The following FOXN3 variants were observed in gnomAD, a reference collection of about 807,000 sequenced individuals.
The protein encoded by FOXN3 is forkhead box protein N3.
Under a neutral mutation model 38.4 loss-of-function variants are expected in FOXN3, and 7 were observed. That is an observed-to-expected ratio of 0.18 (90% CI 0.10 to 0.34). FOXN3 has a LOEUF of 0.34. Ranked by LOEUF, FOXN3 falls within the 10% of genes least tolerant of loss-of-function variation. The pLI, the probability that FOXN3 is intolerant of heterozygous loss-of-function variation, is 1.00. For missense variants in FOXN3, 456 were observed against 613.4 expected, an observed-to-expected ratio of 0.74 and a Z score of 2.71; for synonymous variants, 230 against 242.2, an observed-to-expected ratio of 0.95 and a Z score of 0.47.
At chr14:89,392,470 T>C (rs1364798749) in intron 2 of FOXN3, among the ~76,000 whole-genome samples, 1 of 152,138 alleles carries the variant, frequency 6.6e-6, no homozygotes, top group African/African-American at 2.4e-5. Flanking sequence ...AAAATCCAGG[T>C]GTCAGCAGGG....
intron 2 of FOXN3, among the ~76,000 whole-genome samples, chr14:89,401,874 A>C (rs1189562645): frequency 6.6e-6 from 1 of 152,210 alleles, no homozygotes. Flanking sequence ...CACCCTGTGA[A>C]GACCAAAGGA....
intron 1 of FOXN3, among the ~76,000 whole-genome samples, chr14:89,461,840 GA>G (rs1298222783): frequency 2.0e-5 from 3 of 152,100 alleles, no homozygotes; most frequent in African/African-American, 7.2e-5. Flanking sequence ...TCCAGAACTT[GA>G]GGGCCAAAAT....
intron 1 of FOXN3, among the ~76,000 whole-genome samples, chr14:89,594,486 T>A (rs1896018533): frequency 1.3e-5 from 2 of 152,248 alleles, no homozygotes. Context: ...ACTTTTCACA[T>A]GTTTATTCAA....
In FOXN3 at chr14:89,522,544, G is replaced by A. The variant is rs115228008; in HGVS notation, c.-15+96484C>T. 3.9e-3 allele frequency among the ~76,000 whole-genome samples: 593 copies of A among 152,166 alleles called. 6 individuals are homozygous for A. Among genetic ancestry groups the A allele is most frequent in the African/African-American group, 0.014 (575 of 41,512 alleles). The stretch of plus-strand genomic sequence containing the variant: ...AAGCAAAAACAATAACATGAATGGT[G>A]GGGCTTATAAGAAGTATAGAAGTAA... On this transcript the variant is annotated intron_variant, in intron 1 of 6. Transcript: ENST00000345097.
At chr14:89,517,686 G>T (rs73331108) in intron 1 of FOXN3, among the ~76,000 whole-genome samples, 4,761 of 152,276 alleles carry the variant, frequency 0.031, 272 homozygotes, top group African/African-American at 0.11. Flanking sequence ...TTGGGACATA[G>T]ATCCAAATCA....
At chr14:89,520,194 G>A (rs1218552955) in intron 1 of FOXN3, among the ~76,000 whole-genome samples, 1 of 151,150 alleles carries the variant, frequency 6.6e-6, no homozygotes, top group Non-Finnish European at 1.5e-5. Flanking sequence ...TTGAACTTTT[G>A]TAGAGACAGG....
At chr14:89,231,850 G>T (rs1884821395) in intron 4 of FOXN3, among the ~76,000 whole-genome samples, 1 of 152,074 alleles carries the variant, frequency 6.6e-6, no homozygotes, top group Non-Finnish European at 1.5e-5. Context: ...GGAACACACG[G>T]GTAATTAATC....
intron 4 of FOXN3, among the ~76,000 whole-genome samples, chr14:89,202,512 G>C (rs1390939052): frequency 6.6e-6 from 1 of 152,188 alleles, no homozygotes; most frequent in Non-Finnish European, 1.5e-5. Context: ...AGTTTAATGT[G>C]CTCGACCTCT....
At chr14:89,607,870 G>A (rs572890427) in intron 1 of FOXN3, among the ~76,000 whole-genome samples, 15 of 151,852 alleles carry the variant, frequency 9.9e-5, no homozygotes, top group Non-Finnish European at 1.5e-5. Flanking sequence ...AGGCTGGAGT[G>A]CAGTGGCGCT....
intron 1 of FOXN3, among the ~76,000 whole-genome samples, chr14:89,460,013 C>T (rs900906755): frequency 6.6e-5 from 10 of 152,158 alleles, no homozygotes; most frequent in African/African-American, 1.9e-4. Context: ...AAGTCTGGTC[C>T]CTGCTGGAAT....
intron 1 of FOXN3, among the ~76,000 whole-genome samples, chr14:89,542,515 C>T (rs1894809823): frequency 1.3e-5 from 2 of 152,198 alleles, no homozygotes; most frequent in Non-Finnish European, 2.9e-5. Context: ...AACAAATAAA[C>T]GCAACCTGAG....
intron 1 of FOXN3, among the ~76,000 whole-genome samples, chr14:89,570,567 G>C (rs60600371): frequency 0.089 from 13,545 of 152,192 alleles, 1,288 homozygotes; most frequent in African/African-American, 0.24. Context: ...TGAGTAGGAT[G>C]GAAAACCAAG....
At chr14:89,173,069 T>C (rs1189452398) in intron 5 of FOXN3, among the ~76,000 whole-genome samples, 2 of 152,098 alleles carry the variant, frequency 1.3e-5, no homozygotes, top group South Asian at 2.1e-4. Context: ...ATGTAGTCAA[T>C]ACAAGATTGA....
At chr14:89,326,334 T>C (rs541199535) in intron 3 of FOXN3, among the ~76,000 whole-genome samples, 108 of 152,322 alleles carry the variant, frequency 7.1e-4, no homozygotes, top group African/African-American at 2.5e-3. Flanking sequence ...ACAAGTATAT[T>C]TTCAACCCCA....
intron 1 of FOXN3, among the ~76,000 whole-genome samples, chr14:89,567,179 C>G (rs1390862047): frequency 6.6e-6 from 1 of 152,210 alleles, no homozygotes; most frequent in Non-Finnish European, 1.5e-5. Flanking sequence ...TCATCACCAC[C>G]ACAAAACCCT....
At chr14:89,239,660 C>T (rs1885087085) in intron 4 of FOXN3, among the ~76,000 whole-genome samples, 1 of 152,204 alleles carries the variant, frequency 6.6e-6, no homozygotes, top group South Asian at 2.1e-4. Context: ...GCCGCATTAA[C>T]CAATTGTTCA....
At chr14:89,437,293 T>C (rs1892293279) in intron 1 of FOXN3, among the ~76,000 whole-genome samples, 1 of 152,064 alleles carries the variant, frequency 6.6e-6, no homozygotes, top group South Asian at 2.1e-4. Flanking sequence ...AGGGAATCCA[T>C]GGTTAATGAA....
In FOXN3 at chr14:89,449,894, G is replaced by A. The variant is rs529892188; in HGVS notation, c.-14-37404C>T. ...TTTAAAGAAACCCAGTTGGTCTTAGGTCAGATGACTTAAGGGGAAGAGACA... is the reference window on the plus strand; with the variant it reads ...TTTAAAGAAACCCAGTTGGTCTTAGATCAGATGACTTAAGGGGAAGAGACA... On this transcript the variant is annotated intron_variant, in intron 1 of 6. Coordinates refer to the FOXN3 transcript ENST00000345097. 8.4e-4 allele frequency among the ~76,000 whole-genome samples: 128 copies of A among 152,250 alleles called. 1 individual carries two copies. The highest frequency in any genetic ancestry group is 1.6e-3 in the Non-Finnish European group (111 of 68,018).
At chr14:89,281,382 T>C (rs1453846599) in intron 3 of FOXN3, among the ~76,000 whole-genome samples, 1 of 152,216 alleles carries the variant, frequency 6.6e-6, no homozygotes, top group Admixed American at 6.5e-5. Context: ...TAATCATGTT[T>C]TCTGAGACCA....
Sources: gnomAD v4.1 joint callset for allele counts (sites outside exome capture counted in the v4.1 genomes callset) on GRCh38, gnomAD v4.1.1 for gene constraint, MANE v1.5 for transcripts, NCBI Gene and HGNC (gene_info 2026-07-23, HGNC 2026-07-21) for gene names.